Variants in SLC49A4 observed in about 807,000 individuals in gnomAD.
The protein encoded by SLC49A4 is disrupted in renal cancer protein 2.
A neutral mutation model predicts 50.6 loss-of-function variants in SLC49A4; 36 were observed. That is an observed-to-expected ratio of 0.71 (90% CI 0.55 to 0.94). The LOEUF is 0.94. Ranked by LOEUF, SLC49A4 falls within the 40% of genes least tolerant of loss-of-function variation. The probability of loss-of-function intolerance (pLI) is 0.00; values close to 1 mark genes in which losing one functional copy is unlikely to be tolerated. For missense variants in SLC49A4, 503 were observed against 605.7 expected, an observed-to-expected ratio of 0.83 and a Z score of 1.78; for synonymous variants, 248 against 241.2, an observed-to-expected ratio of 1.03 and a Z score of -0.26.
intron 4 of SLC49A4, among the ~76,000 whole-genome samples, chr3:122,844,717 G>T (rs1326606208): frequency 2.6e-5 from 4 of 151,832 alleles, no homozygotes; most frequent in African/African-American, 9.7e-5. Context: ...GGGAAGCGGA[G>T]GTTGCAGTGA....
chr3:122,826,410 A>G (rs1206216476), intron 2 of SLC49A4, among the ~76,000 whole-genome samples: 1 of 152,138 alleles, frequency 6.6e-6, no homozygotes, highest in Non-Finnish European at 1.5e-5. Context: ...CGCTTGGGCA[A>G]GTTTCTTAAT....
At chr3:122,842,991 C>T (rs1206533529) in intron 4 of SLC49A4, among the ~76,000 whole-genome samples, 1 of 152,146 alleles carries the variant, frequency 6.6e-6, no homozygotes, top group Non-Finnish European at 1.5e-5. Context: ...TTTGCCAGCA[C>T]GTAAACACAT....
chr3:122,858,898 C>T (rs891098480), intron 6 of SLC49A4, among the ~76,000 whole-genome samples: 2 of 152,080 alleles, frequency 1.3e-5, no homozygotes, highest in South Asian at 2.1e-4. Flanking sequence ...TAATGATAAG[C>T]GTCTCTACCA....
intron 5 of SLC49A4, among the ~76,000 whole-genome samples, chr3:122,848,340 C>T (rs1265508858): frequency 6.6e-6 from 1 of 152,008 alleles, no homozygotes; most frequent in Non-Finnish European, 1.5e-5. Flanking sequence ...TTCCTTTAGT[C>T]TGTTTGTCTG....
intron 7 of SLC49A4, among the ~76,000 whole-genome samples, chr3:122,871,193 GAAAC>G (rs1313680375): frequency 1.4e-4 from 21 of 152,190 alleles, no homozygotes; most frequent in African/African-American, 5.1e-4. Context: ...TCTATTCAAA[GAAAC>G]AAAGTAATTA....
chr3:122,880,405 G>A lies in SLC49A4; in HGVS notation c.*1027G>A, dbSNP rs1169659474. ...GAGTCAGCATATTTGAGAGGGCAGC[G>A]TTTTGCCAGTACCTATCTTCTTTCT... On this transcript the variant is annotated 3_prime_UTR_variant, in exon 9 of 9. Coordinates refer to ENST00000261038, the MANE Select transcript of SLC49A4 (RefSeq NM_032839.3). 3 of 152,238 alleles carry A rather than the reference G, an allele frequency of 2.0e-5. No individual in the cohort carries two copies. The highest frequency in any genetic ancestry group is 4.8e-5 in the African/African-American group (2 of 41,414). 9.4% of individuals were successfully genotyped at this position (152,238 alleles called of 1,614,324 possible). A position where few individuals can be genotyped will look rare whatever the true frequency, so the allele number is the denominator to read the frequency against.
chr3:122,849,512 A>G (rs888741319), intron 5 of SLC49A4, among the ~76,000 whole-genome samples: 2 of 152,150 alleles, frequency 1.3e-5, no homozygotes, highest in Non-Finnish European at 2.9e-5. Context: ...TTTTGGTGAT[A>G]GCTATCCTAA....
intron 2 of SLC49A4, among the ~76,000 whole-genome samples, chr3:122,822,888 G>A (rs982166079): frequency 1.3e-5 from 2 of 152,052 alleles, no homozygotes; most frequent in Non-Finnish European, 2.9e-5. Flanking sequence ...CAGAGTTATG[G>A]GTGCCCTCCA....
intron 1 of SLC49A4, among the ~76,000 whole-genome samples, chr3:122,800,387 G>A (rs1275454320): frequency 6.6e-6 from 1 of 152,176 alleles, no homozygotes; most frequent in Non-Finnish European, 1.5e-5. Context: ...GTAACAAGAG[G>A]AATCAAAGAC....
At chr3:122,805,305 C>T (rs1255775201) in intron 1 of SLC49A4, among the ~76,000 whole-genome samples, 1 of 152,050 alleles carries the variant, frequency 6.6e-6, no homozygotes, top group Non-Finnish European at 1.5e-5. Context: ...TAATCATATC[C>T]AGATTATATA....
intron 2 of SLC49A4, among the ~76,000 whole-genome samples, chr3:122,815,986 G>A (rs1346882491): frequency 6.6e-6 from 1 of 152,112 alleles, no homozygotes; most frequent in Non-Finnish European, 1.5e-5. Flanking sequence ...TAGGTTCCAT[G>A]GAAATGTAGC....
chr3:122,850,733 T>G (rs1195782319), intron 5 of SLC49A4, among the ~76,000 whole-genome samples: 1 of 152,206 alleles, frequency 6.6e-6, no homozygotes, highest in Non-Finnish European at 1.5e-5. Flanking sequence ...CTGGAACTCC[T>G]GAGCTCAAAC....
chr3:122,834,245 G>A (rs752727784), intron 4 of SLC49A4, among the ~76,000 whole-genome samples: 1 of 152,104 alleles, frequency 6.6e-6, no homozygotes, highest in Non-Finnish European at 1.5e-5. Flanking sequence ...CAGTATCTAT[G>A]TCTTTACATC....
At chr3:122,846,129 T>C (rs1029225949) in intron 5 of SLC49A4, among the ~76,000 whole-genome samples, 5 of 152,340 alleles carry the variant, frequency 3.3e-5, no homozygotes, top group African/African-American at 1.2e-4. Context: ...GAAGGAAGTC[T>C]TAGTTTTGTT....
At chr3:122,867,840 G>A (rs1937139220) in intron 7 of SLC49A4, among the ~76,000 whole-genome samples, 1 of 151,938 alleles carries the variant, frequency 6.6e-6, no homozygotes, top group South Asian at 2.1e-4. Flanking sequence ...AATTAGCCGG[G>A]CATGGTGGTG....
At chr3:122,837,689 A>T (rs1320270613) in intron 4 of SLC49A4, among the ~76,000 whole-genome samples, 3 of 152,334 alleles carry the variant, frequency 2.0e-5, no homozygotes, top group African/African-American at 7.2e-5. Flanking sequence ...AGCAATGGCA[A>T]CAAAAGCCAA....
intron 5 of SLC49A4, among the ~76,000 whole-genome samples, chr3:122,855,276 A>G (rs1279398089): frequency 6.6e-6 from 1 of 152,200 alleles, no homozygotes; most frequent in Non-Finnish European, 1.5e-5. Flanking sequence ...TTCTGGCAAC[A>G]GTGAGCAAAA....
chr3:122,807,995 G>A (rs1021664155), intron 2 of SLC49A4, among the ~76,000 whole-genome samples: 4 of 152,126 alleles, frequency 2.6e-5, no homozygotes, highest in African/African-American at 9.7e-5. Flanking sequence ...CAGAAGACCT[G>A]GAAAGATACA....
chr3:122,800,549 T>C (rs1936115721), intron 1 of SLC49A4, among the ~76,000 whole-genome samples: 1 of 151,030 alleles, frequency 6.6e-6, no homozygotes, highest in Non-Finnish European at 1.5e-5. Context: ...TATCTATTAA[T>C]GCAGCATCCT....
Sources: gnomAD v4.1 joint callset for allele counts (sites outside exome capture counted in the v4.1 genomes callset) on GRCh38, gnomAD v4.1.1 for gene constraint, MANE v1.5 for transcripts, NCBI Gene and HGNC (gene_info 2026-07-23, HGNC 2026-07-21) for gene names.